Variants in WDR49 observed in about 807,000 individuals in gnomAD.
WDR49 encodes WD repeat domain 49.
A neutral mutation model predicts 119.5 loss-of-function variants in WDR49; 107 were observed. The ratio of observed to expected loss-of-function variants is 0.90; its 90% CI spans 0.77 to 1.05. WDR49 has a LOEUF of 1.05. Among genes scored for constraint, WDR49 ranks in the 50% least tolerant of loss-of-function variants. WDR49 has a pLI of 0.00. For missense variants in WDR49, 1,240 were observed against 1,220.5 expected, an observed-to-expected ratio of 1.02 and a Z score of -0.24; for synonymous variants, 425 against 418.8, an observed-to-expected ratio of 1.01 and a Z score of -0.18.
intron 9 of WDR49, among the ~76,000 whole-genome samples, chr3:167,556,836 C>A (rs1712958528): frequency 6.6e-6 from 1 of 152,102 alleles, no homozygotes; most frequent in African/African-American, 2.4e-5. Flanking sequence ...ACCAGCCTGG[C>A]CAATATGGTG....
chr3:167,604,898 C>T (rs1157725310), intron 5 of WDR49, among the ~76,000 whole-genome samples: 3 of 152,098 alleles, frequency 2.0e-5, no homozygotes, highest in African/African-American at 4.8e-5. Flanking sequence ...ATCTTTGACT[C>T]CCAGCCTCCA....
In WDR49 at chr3:167,545,488, A is replaced by ATATATAT. The variant is rs199944504; in HGVS notation, c.1824-8495_1824-8489dup. ...TAAGTGGATAAAGAAAATGTACCAT[A>ATATATAT]TATATATTATATATTATATATTATA... On this transcript the variant is annotated intron_variant, in intron 10 of 18. Coordinates refer to ENST00000682715, the MANE Select transcript of WDR49 (RefSeq NM_001366157.1). Among the ~76,000 whole-genome samples, 1,148 of 131,942 alleles carry ATATATAT rather than the reference A, an allele frequency of 8.7e-3. 59 individuals are homozygous for ATATATAT. Among genetic ancestry groups the ATATATAT allele is most frequent in the African/African-American group, 0.028 (996 of 36,146 alleles). The allele number at this position is 131,942 out of a possible 152,430, so 86.6% of individuals were successfully genotyped here.
At chr3:167,567,798 T>C (rs992840985) in intron 8 of WDR49, among the ~76,000 whole-genome samples, 3 of 152,170 alleles carry the variant, frequency 2.0e-5, no homozygotes, top group African/African-American at 4.8e-5. Context: ...TTGTCTAATA[T>C]CAAAAGAACT....
At chr3:167,531,991 G>A (rs1158764069) in intron 12 of WDR49, among the ~76,000 whole-genome samples, 1 of 152,022 alleles carries the variant, frequency 6.6e-6, no homozygotes, top group Admixed American at 6.6e-5. Flanking sequence ...AGAAGAAGAG[G>A]CAGAATTCCA....
intron 16 of WDR49, among the ~76,000 whole-genome samples, chr3:167,518,249 A>C (rs1752295157): frequency 6.7e-6 from 1 of 149,776 alleles, no homozygotes; most frequent in Non-Finnish European, 1.5e-5. Context: ...GTATATACCC[A>C]GTAATGGGAT....
chr3:167,529,277 C>A, intron 13 of WDR49, 38 bp from the exon 14 acceptor site: 2 of 1,496,734 alleles, frequency 1.3e-6, no homozygotes, highest in South Asian at 2.9e-5. Flanking sequence ...GAAAACTGAA[C>A]AACAAATGCC....
chr3:167,632,824 G>A (rs1446217653), intron 2 of WDR49, among the ~76,000 whole-genome samples: 5 of 152,024 alleles, frequency 3.3e-5, no homozygotes, highest in African/African-American at 1.2e-4. Flanking sequence ...GGGAAATTGT[G>A]TGGTAGTGAA....
intron 16 of WDR49, among the ~76,000 whole-genome samples, chr3:167,521,856 G>A (rs1356407061): frequency 1.3e-5 from 2 of 152,076 alleles, no homozygotes. Flanking sequence ...GAGACGAGAA[G>A]CCTTAAGGAA....
At chr3:167,599,973 G>A (rs142006865) in intron 7 of WDR49, among the ~76,000 whole-genome samples, 329 of 152,140 alleles carry the variant, frequency 2.2e-3, no homozygotes, top group Non-Finnish European at 3.5e-3. Flanking sequence ...TCCAGGACTC[G>A]GTCCTTTCCT....
chr3:167,565,976 T>C (rs1713572237), intron 8 of WDR49, among the ~76,000 whole-genome samples: 3 of 152,212 alleles, frequency 2.0e-5, no homozygotes, highest in East Asian at 1.9e-4. Context: ...TAGTATTTTA[T>C]AGATAAGAAA....
At chr3:167,583,293 T>A (rs909601229) in intron 7 of WDR49, among the ~76,000 whole-genome samples, 1 of 151,838 alleles carries the variant, frequency 6.6e-6, no homozygotes, top group Non-Finnish European at 1.5e-5. Flanking sequence ...CTAACAACTT[T>A]AAAAAAAATC....
intron 10 of WDR49, among the ~76,000 whole-genome samples, chr3:167,541,250 T>C (rs759636223): frequency 6.6e-6 from 1 of 152,034 alleles, no homozygotes; most frequent in Non-Finnish European, 1.5e-5. Flanking sequence ...CACATAATCA[T>C]CAGGTTATCT....
intron 13 of WDR49, among the ~76,000 whole-genome samples, chr3:167,530,384 C>T (rs1485310500): frequency 2.0e-5 from 3 of 151,888 alleles, no homozygotes; most frequent in African/African-American, 7.3e-5. Context: ...ATACATTATT[C>T]TCCAAGGCAG....
Position 167,602,195 on chromosome 3 carries a change from A to G in WDR49, c.1207T>C (p.Ser403Pro), listed in dbSNP as rs757265823. 17 of 1,607,780 alleles carry G rather than the reference A, an allele frequency of 1.1e-5. No homozygotes were observed. Among genetic ancestry groups the G allele is most frequent in the Non-Finnish European group, 1.4e-5 (17 of 1,175,538 alleles). ...SKPVGVLWGH[S>P]ASVIAVQFFV... ...AATTGGACGGCTATTACACTGGCTG[A>G]GTGGCCCCAAAGGACACCCACTGGT... is the stretch of plus-strand genomic sequence containing the variant. Residue 403 changes from serine to proline, a missense_variant, in exon 7 of 19, where the codon TCA becomes CCA. Coordinates refer to ENST00000682715, the MANE Select transcript of WDR49 (RefSeq NM_001366157.1).
At chr3:167,532,800 G>A (rs751106364) in intron 12 of WDR49, 79 bp downstream of exon 12, 32 of 915,822 alleles carry the variant, frequency 3.5e-5, no homozygotes, top group East Asian at 3.1e-4. Flanking sequence ...GGATCAAGTC[G>A]CATCAGGCAC....
At chr3:167,566,861 GGTCTTCATTCGTGTC>G (rs1713634682) in intron 8 of WDR49, 2 of 685,464 alleles carry the variant, frequency 2.9e-6, no homozygotes, top group Admixed American at 4.1e-5. Context: ...TTATCATAAG[GGTCTTCATTCGTGTC>G]GTCTTCACAT....
At chr3:167,572,609 C>T (rs1441654292) in intron 8 of WDR49, among the ~76,000 whole-genome samples, 3 of 152,188 alleles carry the variant, frequency 2.0e-5, no homozygotes, top group Non-Finnish European at 4.4e-5. Flanking sequence ...GTCGAGCATT[C>T]ATTTTGTGCT....
chr3:167,634,681 TA>T (rs934483812), intron 2 of WDR49, among the ~76,000 whole-genome samples: 1 of 151,114 alleles, frequency 6.6e-6, no homozygotes, highest in Admixed American at 6.6e-5. Flanking sequence ...TGCAAAACTT[TA>T]AAAAAAAACC....
At chr3:167,506,363 C>T (rs951074522) in intron 16 of WDR49, among the ~76,000 whole-genome samples, 1 of 152,108 alleles carries the variant, frequency 6.6e-6, no homozygotes, top group Non-Finnish European at 1.5e-5. Flanking sequence ...CAGAAATGTG[C>T]CTAATAAATA....
Sources: allele counts gnomAD v4.1 joint callset (sites outside exome capture counted in the v4.1 genomes callset), GRCh38; gene constraint gnomAD v4.1.1; transcripts MANE v1.5; gene names NCBI Gene and HGNC (gene_info 2026-07-23, HGNC 2026-07-21).